CHRNA9: variants seen among roughly 807,000 people sequenced by gnomAD.
CHRNA9 encodes the protein neuronal acetylcholine receptor subunit alpha-9.
In CHRNA9, 24 loss-of-function variants were observed where a neutral mutation model predicts 36.8. That is an observed-to-expected ratio of 0.65 (90% CI 0.47 to 0.92). CHRNA9 has a LOEUF of 0.92. Ranked by LOEUF, CHRNA9 falls within the 40% of genes least tolerant of loss-of-function variation. CHRNA9 has a pLI of 0.00. For synonymous variants in CHRNA9, 231 were observed against 231.8 expected (o/e 1.00, Z 0.03); for missense variants, 610 against 601.2 (o/e 1.01, Z -0.15).
At chr4:40,342,307 A>C (rs1278960463) in intron 3 of CHRNA9, among the ~76,000 whole-genome samples, 1 of 152,224 alleles carries the variant, frequency 6.6e-6, no homozygotes, top group Non-Finnish European at 1.5e-5. Context: ...CCAAAGAAAC[A>C]TCCTCATGGA....
Position 40,354,343 on chromosome 4 carries a change from C to T in CHRNA9, c.1263C>T (p.Tyr421=). 1.9e-6 allele frequency: 3 copies of T among 1,614,160 alleles called. No homozygotes were observed. Among genetic ancestry groups the T allele is most frequent in the Non-Finnish European group, 2.5e-6 (3 of 1,180,020 alleles). ...PQEAESYCAQ[Y]KVLTRNIEYI... ...AGGCCGAGAGTTACTGTGCACAGTA[C>T]AAAGTGCTGACGAGGAATATTGAGT... The change falls in exon 5 of 5, where the codon TAC becomes TAT. Residue 421 remains tyrosine, a synonymous_variant. Transcript: ENST00000310169.
intron 3 of CHRNA9, among the ~76,000 whole-genome samples, chr4:40,346,705 A>G (rs187197698): frequency 1.3e-5 from 2 of 152,326 alleles, no homozygotes; most frequent in Admixed American, 1.3e-4. Context: ...CAGACCATTA[A>G]AGTTAATATT....
At chr4:40,350,900 C>A (rs1490646674) in intron 4 of CHRNA9, among the ~76,000 whole-genome samples, 1 of 152,098 alleles carries the variant, frequency 6.6e-6, no homozygotes, top group African/African-American at 2.4e-5. Flanking sequence ...TGGGTAGTGA[C>A]ATTATACAGC....
At chr4:40,349,577 T>C (rs910202941) in intron 4 of CHRNA9, 163 bp downstream of exon 4, 18 of 636,516 alleles carry the variant, frequency 2.8e-5, no homozygotes, top group South Asian at 2.5e-4. Context: ...TCTTTCAATA[T>C]AGATGAGCCT....
rs780856365 is a variant in CHRNA9, at chr4:40,354,023, G to A, written c.943G>A (p.Ala315Thr). The change falls in exon 5 of 5, where the codon GCG (alanine) becomes ACG (threonine). Residue 315 changes from alanine to threonine, a missense_variant. Physicochemically the swap from Ala to Thr is moderately conservative, Grantham distance 58 (BLOSUM62 0). Coordinates refer to ENST00000310169, the MANE Select transcript of CHRNA9 (RefSeq NM_017581.4). ...GATGGCCCTGATCACAGCCTCCACT[G>A]CGTTGACCATCATGGTGATGAATAT... Reference protein sequence around the residue: ...ATMALITASTALTIMVMNIHF... With the variant: ...ATMALITASTTLTIMVMNIHF... 18 of 1,613,874 alleles carry A rather than the reference G, an allele frequency of 1.1e-5. No individual in the cohort carries two copies. The Admixed American group carries it at 3.0e-4, about 27-fold the overall frequency.
Position 40,354,193 on chromosome 4 carries a change from GA to G in CHRNA9, c.1116del (p.Val373PhefsTer10), listed in dbSNP as rs1560319575. The G allele has an allele frequency of 6.2e-7, 1 of 1,614,164 alleles. No homozygotes were observed. The highest frequency in any genetic ancestry group is 2.2e-5 in the East Asian group (1 of 44,878). The stretch of plus-strand genomic sequence containing the variant: ...ACAGTAGAGAGCGGGACCACCTCAC[GA>G]AAGTTTATAGCAAACTCCCAGAGTC... ...HHSRERDHLT[K>X]VYSKLPESNL... On this transcript the variant is annotated frameshift_variant, in exon 5 of 5. Coordinates refer to ENST00000310169, the MANE Select transcript of CHRNA9 (RefSeq NM_017581.4). LOFTEE classifies it high-confidence loss of function.
At chr4:40,353,920 G>C (rs971003175) in intron 4 of CHRNA9, 59 bp from the exon 5 acceptor site, 4 of 1,423,352 alleles carry the variant, frequency 2.8e-6, no homozygotes, top group Non-Finnish European at 3.8e-6. Context: ...TAAGTGACTC[G>C]TGGCTGTATG....
chr4:40,338,891 T>TCACA (rs33947686), intron 3 of CHRNA9, among the ~76,000 whole-genome samples: 9,650 of 117,412 alleles, frequency 0.082, 454 homozygotes, highest in African/African-American at 0.13. Flanking sequence ...CCTCTCTCTC[T>TCACA]CACACACACA....
intron 3 of CHRNA9, among the ~76,000 whole-genome samples, chr4:40,346,180 G>A (rs1712633321): frequency 6.6e-6 from 1 of 152,234 alleles, no homozygotes; most frequent in Non-Finnish European, 1.5e-5. Flanking sequence ...AAAAGAGAGA[G>A]TGAGGTTAGC....
chr4:40,352,297 C>T (rs560376795), intron 4 of CHRNA9, among the ~76,000 whole-genome samples: 145 of 152,330 alleles, frequency 9.5e-4, no homozygotes, highest in African/African-American at 3.4e-3. Flanking sequence ...TCTCAGCTCA[C>T]TGCAACCTCC....
At chr4:40,338,757 C>T (rs1712399132) in intron 3 of CHRNA9, among the ~76,000 whole-genome samples, 1 of 152,066 alleles carries the variant, frequency 6.6e-6, no homozygotes, top group African/African-American at 2.4e-5. Context: ...TATTCCTTCC[C>T]AAGGAATATA....
At chr4:40,351,726 T>C (rs984100629) in intron 4 of CHRNA9, among the ~76,000 whole-genome samples, 2 of 152,238 alleles carry the variant, frequency 1.3e-5, no homozygotes, top group Non-Finnish European at 2.9e-5. Context: ...TTTGTCTTCA[T>C]CTATTAAGAT....
intron 3 of CHRNA9, 143 bp from the exon 4 acceptor site, chr4:40,348,739 C>G (rs1164481720): frequency 2.8e-6 from 2 of 715,884 alleles, no homozygotes; most frequent in Non-Finnish European, 4.6e-6. Flanking sequence ...AGAGTTGATT[C>G]CAGACTTCCG....
At chr4:40,337,880 G>C (rs902035647) in intron 3 of CHRNA9, among the ~76,000 whole-genome samples, 1 of 152,154 alleles carries the variant, frequency 6.6e-6, no homozygotes, top group Non-Finnish European at 1.5e-5. Context: ...TGTGTTCCCT[G>C]TGTCCAAATT....
intron 3 of CHRNA9, among the ~76,000 whole-genome samples, chr4:40,339,567 G>A (rs1039121172): frequency 6.7e-6 from 1 of 150,364 alleles, no homozygotes; most frequent in African/African-American, 2.5e-5. Context: ...CCAGGAGGCT[G>A]AGGCAGGAGA....
intron 3 of CHRNA9, among the ~76,000 whole-genome samples, chr4:40,341,800 C>A (rs576427881): frequency 2.0e-5 from 3 of 152,180 alleles, no homozygotes; most frequent in African/African-American, 7.2e-5. Flanking sequence ...ATGTCAAGAA[C>A]GTGGACGACC....
At chr4:40,342,434 T>C (rs915023352) in intron 3 of CHRNA9, among the ~76,000 whole-genome samples, 3 of 151,846 alleles carry the variant, frequency 2.0e-5, no homozygotes. Flanking sequence ...GGAAAGAAAA[T>C]GGCTGAGAAT....
chr4:40,348,503 AAT>A (rs67265120), intron 3 of CHRNA9, among the ~76,000 whole-genome samples: 136,401 of 152,072 alleles, frequency 0.9, 61,576 homozygotes, highest in East Asian at 1. Context: ...TTATTTTTAG[AAT>A]ATATTATTTT....
At position 40,354,049 on chromosome 4, in the gene CHRNA9, CCA is replaced by C; in HGVS notation, c.971_972del (p.His324LeufsTer29). 1 of 1,614,184 alleles carries C rather than the reference CCA, an allele frequency of 6.2e-7. No individual in the cohort carries two copies. Among genetic ancestry groups the C allele is most frequent in the South Asian group, 1.1e-5 (1 of 91,078 alleles). Reference sequence around the variant, plus strand: ...CGTTGACCATCATGGTGATGAATATCCACTTCTGTGGGGCCGAGGCCCGGCCG... The same window carrying C: ...CGTTGACCATCATGGTGATGAATATCCTTCTGTGGGGCCGAGGCCCGGCCG... ...TALTIMVMNI[H>X]FCGAEARPVP... On this transcript the variant is annotated frameshift_variant, in exon 5 of 5. Coordinates refer to ENST00000310169, the MANE Select transcript of CHRNA9 (RefSeq NM_017581.4). LOFTEE classifies it low-confidence loss of function (END_TRUNC).
Sources: gnomAD v4.1 joint callset for allele counts (sites outside exome capture counted in the v4.1 genomes callset) on GRCh38, gnomAD v4.1.1 for gene constraint, MANE v1.5 for transcripts, NCBI Gene and HGNC (gene_info 2026-07-23, HGNC 2026-07-21) for gene names.